TRIM2: variants seen among roughly 807,000 people sequenced by gnomAD.
TRIM2 encodes tripartite motif-containing protein 2.
A neutral mutation model predicts 75.2 loss-of-function variants in TRIM2; 20 were observed. That is an observed-to-expected ratio of 0.27 (90% CI 0.19 to 0.39). The LOEUF is 0.39. TRIM2 is among the 10% of genes least tolerant of loss of function. The pLI is 1.00. For synonymous variants in TRIM2, 373 were observed against 388.3 expected (o/e 0.96, Z 0.46); for missense variants, 660 against 990.8 (o/e 0.67, Z 4.48).
chr4:153,232,002 T>G (rs1743767963), intron 1 of TRIM2, among the ~76,000 whole-genome samples: 1 of 152,214 alleles, frequency 6.6e-6, no homozygotes, highest in Non-Finnish European at 1.5e-5. Flanking sequence ...GATTTCAGTC[T>G]TTTGGATTGC....
intron 8 of TRIM2, among the ~76,000 whole-genome samples, chr4:153,317,369 G>A (rs995124801): frequency 2.0e-5 from 3 of 151,354 alleles, no homozygotes; most frequent in Admixed American, 2.0e-4. Context: ...ATCTATCTTG[G>A]CCAGGCGCAG....
At chr4:153,163,146 T>C (rs1210349210) in intron 1 of TRIM2, among the ~76,000 whole-genome samples, 2 of 152,234 alleles carry the variant, frequency 1.3e-5, no homozygotes, top group South Asian at 4.1e-4. Flanking sequence ...TGTAGATTAT[T>C]GCTTCTCTAA....
chr4:153,179,403 C>T (rs1731815554), intron 1 of TRIM2, among the ~76,000 whole-genome samples: 1 of 150,982 alleles, frequency 6.6e-6, no homozygotes, highest in Non-Finnish European at 1.5e-5. Context: ...AAAATAAAAG[C>T]TCTGAGAAGT....
At chr4:153,273,542 C>A (rs1277444919) in intron 2 of TRIM2, among the ~76,000 whole-genome samples, 7 of 151,174 alleles carry the variant, frequency 4.6e-5, no homozygotes, top group African/African-American at 1.7e-4. Flanking sequence ...ATCCACCCGC[C>A]TTGGCCTCCC....
At chr4:153,304,466 A>G (rs1764578299) in intron 6 of TRIM2, among the ~76,000 whole-genome samples, 1 of 152,178 alleles carries the variant, frequency 6.6e-6, no homozygotes, top group African/African-American at 2.4e-5. Context: ...ATAATTTGTC[A>G]GATGGAAGGA....
intron 1 of TRIM2, among the ~76,000 whole-genome samples, chr4:153,235,869 C>T (rs1744900705): frequency 6.6e-6 from 1 of 152,156 alleles, no homozygotes; most frequent in Admixed American, 6.5e-5. Flanking sequence ...GGGACCCTGC[C>T]AACATCCTGT....
intron 1 of TRIM2, among the ~76,000 whole-genome samples, chr4:153,182,382 G>T (rs1437253164): frequency 6.6e-6 from 1 of 152,096 alleles, no homozygotes; most frequent in Non-Finnish European, 1.5e-5. Flanking sequence ...AGAGGTGTGT[G>T]GTGTCTCAGC....
At chr4:153,170,898 TGACCAGTA>T (rs1730788283) in intron 1 of TRIM2, among the ~76,000 whole-genome samples, 1 of 152,220 alleles carries the variant, frequency 6.6e-6, no homozygotes, top group East Asian at 1.9e-4. Context: ...CACTGACACC[TGACCAGTA>T]GACTTGGCAG....
chr4:153,158,908 G>A (rs1729481341), intron 1 of TRIM2, among the ~76,000 whole-genome samples: 1 of 152,218 alleles, frequency 6.6e-6, no homozygotes, highest in Non-Finnish European at 1.5e-5. Flanking sequence ...CATTTGATAT[G>A]GGGAGAAAGA....
intron 3 of TRIM2, among the ~76,000 whole-genome samples, chr4:153,287,844 G>A (rs574186735): frequency 6.6e-6 from 1 of 152,226 alleles, no homozygotes; most frequent in South Asian, 2.1e-4. Context: ...ATATTTATCT[G>A]TGTAGTTACC....
chr4:153,312,004 G>A lies in TRIM2; in HGVS notation c.1511-3481G>A, dbSNP rs558822777. ...TATGTATACATGTGCATGCTGGTGC[G>A]CTGCACCCACTAACTCGTCATCTAG... On this transcript the variant is annotated intron_variant, in intron 6 of 11. Transcript: ENST00000338700. Among the ~76,000 whole-genome samples, 101 of 150,916 alleles carry A rather than the reference G, an allele frequency of 6.7e-4. No individual in the cohort carries two copies. The South Asian group carries it at 7.3e-3, about 11-fold the overall frequency.
At chr4:153,310,575 C>T (rs1766055387) in intron 6 of TRIM2, among the ~76,000 whole-genome samples, 1 of 152,154 alleles carries the variant, frequency 6.6e-6, no homozygotes, top group African/African-American at 2.4e-5. Flanking sequence ...CAAGTATATG[C>T]TAGTGGTGTC....
chr4:153,194,711 A>C (rs144492163), intron 1 of TRIM2, among the ~76,000 whole-genome samples: 2 of 152,276 alleles, frequency 1.3e-5, no homozygotes, highest in African/African-American at 4.8e-5. Context: ...AATGCATCCA[A>C]ATTTACACTG....
chr4:153,169,630 TATG>T (rs1730652208), intron 1 of TRIM2, among the ~76,000 whole-genome samples: 1 of 152,242 alleles, frequency 6.6e-6, no homozygotes, highest in Non-Finnish European at 1.5e-5. Context: ...TATGTATTTA[TATG>T]ATGTTTTACT....
intron 11 of TRIM2, 46 bp downstream of exon 11, chr4:153,328,716 T>C (rs770652972): frequency 6.7e-7 from 1 of 1,503,260 alleles, no homozygotes; most frequent in Non-Finnish European, 8.9e-7. Flanking sequence ...TTGGTATTTG[T>C]TAAAAGTGAA....
chr4:153,273,575 G>C (rs188029099), intron 2 of TRIM2, among the ~76,000 whole-genome samples: 1 of 150,214 alleles, frequency 6.7e-6, no homozygotes, highest in Non-Finnish European at 1.5e-5. Context: ...TTACAGGCGT[G>C]AGCCACCACG....
chr4:153,179,733 C>A (rs1444963872), intron 1 of TRIM2, among the ~76,000 whole-genome samples: 1 of 152,010 alleles, frequency 6.6e-6, no homozygotes, highest in African/African-American at 2.4e-5. Context: ...TGTATTGACA[C>A]CTGAGAGTTT....
intron 6 of TRIM2, among the ~76,000 whole-genome samples, chr4:153,299,355 GTA>G (rs139493331): frequency 2.0e-5 from 3 of 150,500 alleles, no homozygotes; most frequent in African/African-American, 2.4e-5. Context: ...GTGTGTATGT[GTA>G]TATATATATA....
At chr4:153,294,510 T>A in intron 5 of TRIM2, 25 bp downstream of exon 5, 1 of 1,605,586 alleles carries the variant, frequency 6.2e-7, no homozygotes, top group Non-Finnish European at 8.5e-7. Context: ...ATTACAGATG[T>A]CCTGGAAGAG....
Sources: gnomAD v4.1 joint callset for allele counts (sites outside exome capture counted in the v4.1 genomes callset) on GRCh38, gnomAD v4.1.1 for gene constraint, MANE v1.5 for transcripts, NCBI Gene and HGNC (gene_info 2026-07-23, HGNC 2026-07-21) for gene names.